Variants in PDIK1L observed in about 807,000 individuals in gnomAD.
PDIK1L encodes the protein PDLIM1 interacting kinase 1 like.
PDIK1L carries 9 observed loss-of-function variants against 27.1 expected under a neutral mutation model. That is an observed-to-expected ratio of 0.33 (90% confidence interval 0.20 to 0.58). The LOEUF is 0.58. PDIK1L is among the 20% of genes least tolerant of loss of function. The pLI, the probability that PDIK1L is intolerant of heterozygous loss-of-function variation, is 0.86. For synonymous variants in PDIK1L, 130 were observed against 141.7 expected (o/e 0.92, Z 0.59); for missense variants, 216 against 413.2 (o/e 0.52, Z 4.14).
intron 1 of PDIK1L, chr1:26,112,690 T>G (rs1278088617): frequency 6.6e-6 from 1 of 152,242 alleles, no homozygotes; most frequent in Admixed American, 6.5e-5. Flanking sequence ...GAACACAATC[T>G]CAGAAGTCAT....
intron 2 of PDIK1L, among the ~76,000 whole-genome samples, chr1:26,120,932 C>G (rs2087971963): frequency 8.3e-6 from 1 of 120,148 alleles, no homozygotes; most frequent in Non-Finnish European, 1.6e-5. Context: ...AGCCTGGTGA[C>G]AGAGCAAGAC....
chr1:26,113,363 G>A (rs2087827830), intron 1 of PDIK1L, among the ~76,000 whole-genome samples: 1 of 151,932 alleles, frequency 6.6e-6, no homozygotes, highest in Admixed American at 6.5e-5. Flanking sequence ...GTGGTGGCAG[G>A]CGCCTATAGT....
At position 26,125,533 on chromosome 1, in the gene PDIK1L, C is replaced by CAA. The variant is rs140163051; in HGVS notation, c.*2965_*2966dup. ...TTTTTTTAAATAAAGTGAGTTTCAACAAAAAAAAAACTGAAAATTCTACAT... is the reference window on the plus strand; with the variant it reads ...TTTTTTTAAATAAAGTGAGTTTCAACAAAAAAAAAAAACTGAAAATTCTACAT... On this transcript the variant is annotated 3_prime_UTR_variant, in exon 3 of 3. Coordinates refer to ENST00000374269, the MANE Select transcript of PDIK1L (RefSeq NM_152835.5). 0.17 allele frequency: 23,798 copies of CAA among 143,554 alleles called. 2,011 individuals carry two copies. Among genetic ancestry groups the CAA allele is most frequent in the Middle Eastern group, 0.23 (65 of 280 alleles). 8.9% of individuals were successfully genotyped at this position (143,554 alleles called of 1,614,324 possible).
intron 2 of PDIK1L, among the ~76,000 whole-genome samples, chr1:26,117,036 T>TC (rs1275175741): frequency 1.3e-4 from 13 of 102,100 alleles, no homozygotes; most frequent in African/African-American, 5.2e-4. Flanking sequence ...TTTTTTTTTT[T>TC]TTTTTTCTTT....
chr1:26,120,417 C>A (rs937826876), intron 2 of PDIK1L, among the ~76,000 whole-genome samples: 31 of 152,180 alleles, frequency 2.0e-4, no homozygotes, highest in African/African-American at 6.5e-4. Flanking sequence ...CACTGGCAAA[C>A]ATGTGCAACA....
rs35199377 is a variant in PDIK1L at position 26,121,961 on chromosome 1, A to G, written c.410A>G (p.Asn137Ser). ...GAGTATCTGTTGTCCAGGAAACCCA[A>G]TCGTAAAACTAACACCAGCTTCATG... ...MNEYLLSRKPNRKTNTSFMLQ... is the reference protein window; with the variant it reads ...MNEYLLSRKPSRKTNTSFMLQ... Residue 137 changes from asparagine to serine, a missense_variant, in exon 3 of 3, where the codon AAT becomes AGT. Coordinates refer to ENST00000374269, the MANE Select transcript of PDIK1L (RefSeq NM_152835.5). 7.3e-5 allele frequency: 118 copies of G among 1,613,986 alleles called. No homozygotes were observed. The highest frequency in any genetic ancestry group is 3.3e-5 in the Admixed American group (2 of 59,994).
Position 26,114,321 on chromosome 1 carries a change from C to A in PDIK1L, c.13C>A (p.Gln5Lys). The change falls in exon 2 of 3, where the codon CAG (glutamine) becomes AAG (lysine). Residue 5 changes from glutamine to lysine, a missense_variant. Around this residue, in one of 2 missense-constraint regions of PDIK1L, gnomAD observed 47 missense variants for 47.2 expected, o/e 1.00. Coordinates refer to ENST00000374269, the MANE Select transcript of PDIK1L (RefSeq NM_152835.5). The surrounding 1 kb of genome is among the most constrained non-coding windows in gnomAD (Gnocchi z 4.8). ...CTCGACCTTGAAGATGGTGAGTAGC[C>A]AGCCAAAGTACGATCTAATACGGGA... MVSS[Q>K]PKYDLIREVG... 6.2e-7 allele frequency: 1 copy of A among 1,608,206 alleles called. No homozygotes were observed. Among genetic ancestry groups the A allele is most frequent in the Non-Finnish European group, 8.5e-7 (1 of 1,174,986 alleles).
chr1:26,121,326 T>A lies in PDIK1L; in HGVS notation c.286-511T>A, dbSNP rs17163582. Among the ~76,000 whole-genome samples, 1,757 of 152,328 alleles carry A rather than the reference T, an allele frequency of 0.012. 74 individuals are homozygous for A. In the South Asian group the frequency reaches 0.15, roughly 13 times the overall value. On this transcript the variant is annotated intron_variant, in intron 2 of 2. Transcript: ENST00000374269. ...TTATTAGTGACTACAGGAACAGCTA[T>A]TTCTGCAACAGCTGGTTGTTCCTTG...
chr1:26,115,347 C>G (rs756267176), intron 2 of PDIK1L, among the ~76,000 whole-genome samples: 80 of 152,182 alleles, frequency 5.3e-4, no homozygotes, highest in Non-Finnish European at 9.7e-4. Context: ...TTCTTAACTC[C>G]CAGATTACTC....
At chr1:26,119,711 T>C (rs2087945443) in intron 2 of PDIK1L, among the ~76,000 whole-genome samples, 1 of 151,860 alleles carries the variant, frequency 6.6e-6, no homozygotes, top group African/African-American at 2.4e-5. Flanking sequence ...ATTCAAAAAT[T>C]AGCTGGGCAT....
At chr1:26,121,797 C>G (rs1046412634) in intron 2 of PDIK1L, 40 bp from the exon 3 acceptor site, 8 of 1,551,878 alleles carry the variant, frequency 5.2e-6, no homozygotes, top group Admixed American at 3.9e-5. Context: ...ATTGTATAAC[C>G]TATGCAAATG....
intron 2 of PDIK1L, among the ~76,000 whole-genome samples, chr1:26,117,524 C>G (rs2087900488): frequency 6.6e-6 from 1 of 152,134 alleles, no homozygotes; most frequent in East Asian, 1.9e-4. Flanking sequence ...CTAGCCGAGG[C>G]AGGCAGATTG....
Position 26,115,759 on chromosome 1 carries a change from G to A in PDIK1L, c.285+1166G>A, listed in dbSNP as rs147955592. Among the ~76,000 whole-genome samples the A allele has an allele frequency of 7.2e-3, 1,088 of 151,094 alleles. 15 individuals are homozygous for A. The highest frequency in any genetic ancestry group is 0.035 in the East Asian group (181 of 5,128). On this transcript the variant is annotated intron_variant, in intron 2 of 2. Coordinates refer to ENST00000374269, the MANE Select transcript of PDIK1L (RefSeq NM_152835.5). The stretch of plus-strand genomic sequence containing the variant: ...GGAGCTTGCCGTGAGCCGAGATCGC[G>A]CCACTGCACTCCAGCCTGGGCAACT...
upstream of PDIK1L, chr1:26,111,384 C>CCACCCCAGCGAGCCCCG (rs1553149179): frequency 6.6e-6 from 1 of 152,236 alleles, no homozygotes; most frequent in Non-Finnish European, 1.5e-5. The surrounding 1 kb of genome is among the most constrained non-coding windows in gnomAD (Gnocchi z 4.0). Context: ...ACCGGGCGTT[C>CCACCCCAGCGAGCCCCG]CACCCCAGCG....
upstream of PDIK1L, chr1:26,111,185 GCGCCGC>G (rs1004399727): frequency 1.0e-4 from 16 of 157,342 alleles, no homozygotes; most frequent in South Asian, 3.4e-4. This position sits in a 1 kb window ranked among gnomAD's most constrained non-coding sequence, Gnocchi z 4.0. Flanking sequence ...ACCCAGCCCC[GCGCCGC>G]CGCCGCCGCC....
At position 26,122,475 on chromosome 1, in the gene PDIK1L, T is replaced by A. The variant is rs1377106563; in HGVS notation, c.924T>A (p.Ile308=). The A allele has an allele frequency of 6.2e-7, 1 of 1,614,150 alleles. No individual in the cohort carries two copies. Among genetic ancestry groups the A allele is most frequent in the Non-Finnish European group, 8.5e-7 (1 of 1,180,022 alleles). ...KSMNGRMKQL[I]KEMLAANPQD... is the part of the protein sequence containing the mutation. Reference sequence around the variant, plus strand: ...TGAATGGGCGAATGAAACAACTGATTAAGGAAATGCTGGCTGCAAACCCTC... The same window carrying A: ...TGAATGGGCGAATGAAACAACTGATAAAGGAAATGCTGGCTGCAAACCCTC... The change falls in exon 3 of 3, where the codon ATT becomes ATA. Residue 308 remains isoleucine, a synonymous_variant. Coordinates refer to ENST00000374269, the MANE Select transcript of PDIK1L (RefSeq NM_152835.5). This position sits in a 1 kb window ranked among gnomAD's most constrained non-coding sequence, Gnocchi z 5.4.
In PDIK1L at chr1:26,124,973, C is replaced by T. The variant is rs1569826551; in HGVS notation, c.*2396C>T. 1 of 152,580 alleles carries T rather than the reference C, an allele frequency of 6.6e-6. No homozygotes were observed. The highest frequency in any genetic ancestry group is 1.5e-5 in the Non-Finnish European group (1 of 68,008). The allele number at this position is 152,580 out of a possible 1,614,324, so 9.5% of individuals were successfully genotyped here. A position where few individuals can be genotyped will look rare whatever the true frequency, so the allele number is the denominator to read the frequency against. On this transcript the variant is annotated 3_prime_UTR_variant, in exon 3 of 3. Coordinates refer to ENST00000374269, the MANE Select transcript of PDIK1L (RefSeq NM_152835.5). ...TGAAAGCAAAACTTCGTACACAGTGCCTTGCCCATAATAGGTACTCAATAA... is the reference window on the plus strand; with the variant it reads ...TGAAAGCAAAACTTCGTACACAGTGTCTTGCCCATAATAGGTACTCAATAA...
At chr1:26,119,264 C>A (rs892186642) in intron 2 of PDIK1L, among the ~76,000 whole-genome samples, 1 of 151,892 alleles carries the variant, frequency 6.6e-6, no homozygotes, top group South Asian at 2.1e-4. Flanking sequence ...AAAAATTAGA[C>A]GGGCGTGGTG....
rs2088043665 is a variant in PDIK1L, at chr1:26,124,418, A to G, written c.*1841A>G. Reference sequence around the variant, plus strand: ...CCCTCTGGATCACCAGATTAGTTTAATTTAACAGATATGTCCAAGGAAGTT... The same window carrying G: ...CCCTCTGGATCACCAGATTAGTTTAGTTTAACAGATATGTCCAAGGAAGTT... On this transcript the variant is annotated 3_prime_UTR_variant, in exon 3 of 3. Coordinates refer to ENST00000374269, the MANE Select transcript of PDIK1L (RefSeq NM_152835.5). 6.6e-6 allele frequency: 1 copy of G among 152,204 alleles called. No homozygotes were observed. The highest frequency in any genetic ancestry group is 2.1e-4 in the South Asian group (1 of 4,838). The allele number at this position is 152,204 out of a possible 1,614,324, so 9.4% of individuals were successfully genotyped here.
Sources: gnomAD v4.1 joint callset for allele counts (sites outside exome capture counted in the v4.1 genomes callset) on GRCh38, gnomAD v4.1.1 for gene constraint, gnomAD v4.1.1 regional missense constraint, Gnocchi (gnomAD v3.1) non-coding constraint, MANE v1.5 for transcripts, NCBI Gene and HGNC (gene_info 2026-07-23, HGNC 2026-07-21) for gene names.